SERPINB5: variants seen among roughly 807,000 people sequenced by gnomAD.
SERPINB5 encodes serpin family B member 5, also known as serpin B5.
In SERPINB5, 27 loss-of-function variants were observed where a neutral mutation model predicts 32.2. The ratio of observed to expected loss-of-function variants is 0.84; its 90% CI spans 0.62 to 1.16. The LOEUF is 1.16. SERPINB5 is among the 50% of genes most tolerant of loss of function. The pLI is 0.00. For synonymous variants in SERPINB5, 154 were observed against 157.4 expected (o/e 0.98, Z 0.16); for missense variants, 388 against 436.3 (o/e 0.89, Z 0.99).
intron 1 of SERPINB5, among the ~76,000 whole-genome samples, chr18:63,482,895 T>C (rs1917147094): frequency 6.6e-6 from 1 of 150,486 alleles, no homozygotes; most frequent in Non-Finnish European, 1.5e-5. Context: ...AGTGAAAAAA[T>C]GTAATGAGAA....
chr18:63,484,124 CAT>C (rs1917167270), intron 1 of SERPINB5, among the ~76,000 whole-genome samples: 1 of 152,220 alleles, frequency 6.6e-6, no homozygotes, highest in Admixed American at 6.5e-5. Flanking sequence ...ACTTTTCTGA[CAT>C]ATGCTGGAGA....
At chr18:63,478,920 C>T (rs547665905) in intron 1 of SERPINB5, among the ~76,000 whole-genome samples, 37 of 151,932 alleles carry the variant, frequency 2.4e-4, no homozygotes, top group African/African-American at 4.4e-4. Context: ...CCACCACGCC[C>T]GGCTAATTTC....
intron 6 of SERPINB5, among the ~76,000 whole-genome samples, chr18:63,502,857 A>G (rs1909597743): frequency 6.6e-6 from 1 of 152,094 alleles, no homozygotes; most frequent in Non-Finnish European, 1.5e-5. Context: ...TGTCTCTACT[A>G]CAAATACAAA....
intron 1 of SERPINB5, among the ~76,000 whole-genome samples, chr18:63,484,127 A>G (rs971981137): frequency 3.3e-5 from 5 of 152,250 alleles, no homozygotes; most frequent in Non-Finnish European, 5.9e-5. Context: ...TTTCTGACAT[A>G]TGCTGGAGAA....
intron 2 of SERPINB5, 62 bp from the exon 3 acceptor site, chr18:63,486,884 C>A: frequency 6.4e-7 from 1 of 1,565,190 alleles, no homozygotes; most frequent in Non-Finnish European, 8.7e-7. Flanking sequence ...ATCACGTGTC[C>A]ACTTCAGTAC....
In SERPINB5 at chr18:63,492,871, T is replaced by G. The variant is rs1909369643; in HGVS notation, c.425-82T>G. 3.3e-6 allele frequency: 5 copies of G among 1,521,244 alleles called. No individual in the cohort carries two copies. In the East Asian group the frequency reaches 1.1e-4, roughly 34 times the overall value. The allele number at this position is 1,521,244 out of a possible 1,614,324, so 94.2% of individuals were successfully genotyped here. A position where few individuals can be genotyped will look rare whatever the true frequency, so the allele number is the denominator to read the frequency against. On this transcript the variant is annotated intron_variant, in intron 4 of 6. Transcript: ENST00000382771. ...TGGTGTGACTCCATGAAGTGGTAAA[T>G]ACTCAGTGAATATGCATGTGAATTT...
At position 63,505,015 on chromosome 18, in the gene SERPINB5, G is replaced by A. The variant is rs15964; in HGVS notation, c.*1293G>A. 2.0e-5 allele frequency: 3 copies of A among 151,724 alleles called. No homozygotes were observed. Among genetic ancestry groups the A allele is most frequent in the African/African-American group, 7.3e-5 (3 of 41,268 alleles). 9.4% of individuals were successfully genotyped at this position (151,724 alleles called of 1,614,324 possible). ...CTTCCTTGACCTGCATTGTAAATAGGTTCTTCTTGTTCTGAGATTCAATAT... is the reference window on the plus strand; with the variant it reads ...CTTCCTTGACCTGCATTGTAAATAGATTCTTCTTGTTCTGAGATTCAATAT... On this transcript the variant is annotated 3_prime_UTR_variant, in exon 7 of 7. Coordinates refer to ENST00000382771, the MANE Select transcript of SERPINB5 (RefSeq NM_002639.5).
At chr18:63,480,081 G>A (rs1414850740) in intron 1 of SERPINB5, among the ~76,000 whole-genome samples, 2 of 152,164 alleles carry the variant, frequency 1.3e-5, no homozygotes, top group East Asian at 3.9e-4. Context: ...CACTCCCTGC[G>A]TGGGTGGCCT....
At chr18:63,479,837 G>A (rs1036385473) in intron 1 of SERPINB5, among the ~76,000 whole-genome samples, 2 of 152,180 alleles carry the variant, frequency 1.3e-5, no homozygotes, top group South Asian at 2.1e-4. Context: ...GCTTCTTCAA[G>A]TAGGAAAATC....
At chr18:63,502,318 G>A (rs1234037226) in intron 6 of SERPINB5, among the ~76,000 whole-genome samples, 1 of 151,886 alleles carries the variant, frequency 6.6e-6, no homozygotes, top group Non-Finnish European at 1.5e-5. Flanking sequence ...TGTATTTTTA[G>A]TAGAGACGGG....
rs1354029327 is a variant in SERPINB5 at position 63,505,050 on chromosome 18, C to T, written c.*1328C>T. The T allele has an allele frequency of 6.6e-6, 1 of 151,902 alleles. No homozygotes were observed. The highest frequency in any genetic ancestry group is 2.4e-5 in the African/African-American group (1 of 41,342). 9.4% of individuals were successfully genotyped at this position (151,902 alleles called of 1,614,324 possible). On this transcript the variant is annotated 3_prime_UTR_variant, in exon 7 of 7. Transcript: ENST00000382771. Reference sequence around the variant, plus strand: ...TTCTGAGATTCAATATTGAATTTTTCCTATGCTATTGACAATAAAATATTA... The same window carrying T: ...TTCTGAGATTCAATATTGAATTTTTTCTATGCTATTGACAATAAAATATTA...
chr18:63,489,397 T>G lies in SERPINB5; in HGVS notation c.357T>G (p.Val119=), dbSNP rs1011523152. The G allele has an allele frequency of 5.6e-6, 9 of 1,613,536 alleles. No individual in the cohort carries two copies. Among genetic ancestry groups the G allele is most frequent in the Non-Finnish European group, 7.6e-6 (9 of 1,179,748 alleles). ...KRPYAKELET[V]DFKDKLEETK... is the part of the protein sequence containing the mutation. The stretch of plus-strand genomic sequence containing the variant: ...CGTATGCAAAGGAATTGGAAACTGT[T>G]GACTTCAAAGATAAATTGGAAGAAA... Residue 119 remains valine (V), a synonymous_variant, in exon 4 of 7, where the codon GTT becomes GTG. Transcript: ENST00000382771.
intron 5 of SERPINB5, chr18:63,497,423 T>C (rs1481015553): frequency 2.1e-6 from 2 of 935,458 alleles, no homozygotes; most frequent in African/African-American, 1.6e-5. Flanking sequence ...GTCACCTGCC[T>C]GTCCCTGCTG....
At chr18:63,488,766 T>G (rs1917253883) in intron 3 of SERPINB5, among the ~76,000 whole-genome samples, 1 of 152,216 alleles carries the variant, frequency 6.6e-6, no homozygotes, top group Non-Finnish European at 1.5e-5. Flanking sequence ...TCCTGTTATG[T>G]TCTCTCCTGC....
intron 5 of SERPINB5, 106 bp from the exon 6 acceptor site, chr18:63,499,014 G>A (rs908636298): frequency 6.2e-6 from 3 of 483,152 alleles, no homozygotes; most frequent in Non-Finnish European, 9.7e-6. Context: ...TATACATGTG[G>A]GTATATATGT....
chr18:63,477,790 G>C lies in SERPINB5; in HGVS notation c.-8+745G>C, dbSNP rs980038031. Among the ~76,000 whole-genome samples the C allele has an allele frequency of 7.2e-5, 11 of 152,230 alleles. No homozygotes were observed. The East Asian group carries it at 1.7e-3, about 24-fold the overall frequency. ...ATCATACTAAAAACCAACATGCCAG[G>C]CTATTCCAGAGACTTGTAACCAGAT... On this transcript the variant is annotated intron_variant, in intron 1 of 6. Coordinates refer to ENST00000382771, the MANE Select transcript of SERPINB5 (RefSeq NM_002639.5).
chr18:63,479,424 T>TA (rs1476202887), intron 1 of SERPINB5, among the ~76,000 whole-genome samples: 1 of 152,188 alleles, frequency 6.6e-6, no homozygotes, highest in African/African-American at 2.4e-5. Context: ...AGCACGGCCC[T>TA]ACCCCCAGCC....
At chr18:63,494,491 A>G (rs1909408629) in intron 5 of SERPINB5, among the ~76,000 whole-genome samples, 1 of 152,180 alleles carries the variant, frequency 6.6e-6, no homozygotes, top group Non-Finnish European at 1.5e-5. Flanking sequence ...GACTGGAAGC[A>G]GCACTTCAGT....
rs1312999751 is a variant in SERPINB5, at chr18:63,489,393, CTG to C, written c.355_356del (p.Val119Ter). ...AGACCGTATGCAAAGGAATTGGAAA[CTG>C]TTGACTTCAAAGATAAATTGGAAGA... On this transcript the variant is annotated frameshift_variant, in exon 4 of 7. Transcript: ENST00000382771. LOFTEE classifies it high-confidence loss of function. The C allele has an allele frequency of 6.2e-7, 1 of 1,613,348 alleles. No individual in the cohort carries two copies. Among genetic ancestry groups the C allele is most frequent in the South Asian group, 1.1e-5 (1 of 90,912 alleles).
Sources: allele counts gnomAD v4.1 joint callset (sites outside exome capture counted in the v4.1 genomes callset), GRCh38; gene constraint gnomAD v4.1.1; transcripts MANE v1.5; gene names NCBI Gene and HGNC (gene_info 2026-07-23, HGNC 2026-07-21).